Variants in MARCHF11 observed in about 807,000 individuals in gnomAD.
The protein encoded by MARCHF11 is membrane associated ring-CH-type finger 11, also known as E3 ubiquitin-protein ligase MARCHF11.
In MARCHF11, 29 loss-of-function variants were observed where a neutral mutation model predicts 37.3. That is an observed-to-expected ratio of 0.78 (90% confidence interval 0.58 to 1.06). The LOEUF is 1.06. MARCHF11 is among the 50% of genes least tolerant of loss of function. The pLI is 0.00. For synonymous variants in MARCHF11, 233 were observed against 228.0 expected, an observed-to-expected ratio of 1.02 and a Z score of -0.20; for missense variants, 482 against 533.4, an observed-to-expected ratio of 0.90 and a Z score of 0.95.
chr5:16,089,799 A>G (rs1303452035), intron 3 of MARCHF11, among the ~76,000 whole-genome samples: 1 of 152,220 alleles, frequency 6.6e-6, no homozygotes, highest in Admixed American at 6.5e-5. Flanking sequence ...AATTAATAAC[A>G]TAATTGTTTT....
At chr5:16,132,928 C>T (rs1194509004) in intron 2 of MARCHF11, among the ~76,000 whole-genome samples, 1 of 152,058 alleles carries the variant, frequency 6.6e-6, no homozygotes, top group African/African-American at 2.4e-5. Context: ...CTGACATAAA[C>T]ATGAACAATA....
rs375472846 is a variant in MARCHF11, at chr5:16,088,796, T to C, written c.886+2093A>G. Among the ~76,000 whole-genome samples, 141 of 152,272 alleles carry C rather than the reference T, an allele frequency of 9.3e-4. 2 individuals carry two copies. Among genetic ancestry groups the C allele is most frequent in the African/African-American group, 3.3e-3 (136 of 41,558 alleles). On this transcript the variant is annotated intron_variant, in intron 3 of 3. Coordinates refer to ENST00000332432, the MANE Select transcript of MARCHF11 (RefSeq NM_001102562.3). ...ATCATGGAATGATAAAATTAGGATT[T>C]GATGAGCCAAAACACAATGAAAAGT...
At chr5:16,078,116 G>A (rs916894175) in intron 3 of MARCHF11, among the ~76,000 whole-genome samples, 1 of 152,160 alleles carries the variant, frequency 6.6e-6, no homozygotes, top group Non-Finnish European at 1.5e-5. Flanking sequence ...ATAAAGAGGG[G>A]TTTTTACCAA....
intron 2 of MARCHF11, 29 bp downstream of exon 2, chr5:16,177,697 C>A: frequency 1.3e-6 from 2 of 1,569,518 alleles, no homozygotes; most frequent in Non-Finnish European, 1.7e-6. Flanking sequence ...AAAATTATTT[C>A]AGGAAAAATA....
intron 3 of MARCHF11, among the ~76,000 whole-genome samples, chr5:16,080,157 A>G (rs2126548866): frequency 6.6e-6 from 1 of 152,256 alleles, no homozygotes; most frequent in Non-Finnish European, 1.5e-5. Context: ...CATCCCAGCC[A>G]TTCTCAATTC....
intron 2 of MARCHF11, among the ~76,000 whole-genome samples, chr5:16,107,334 T>A (rs112547044): frequency 1.2e-5 from 1 of 80,502 alleles, no homozygotes; most frequent in African/African-American, 8.0e-5. Flanking sequence ...AGCACTATTG[T>A]TTTTTTTTTT....
chr5:16,135,996 T>A (rs1168516751), intron 2 of MARCHF11, among the ~76,000 whole-genome samples: 1 of 151,286 alleles, frequency 6.6e-6, no homozygotes, highest in African/African-American at 2.4e-5. Context: ...TCAACAGGAA[T>A]AAAGGCATTC....
intron 2 of MARCHF11, among the ~76,000 whole-genome samples, chr5:16,107,894 C>T (rs2126568045): frequency 6.6e-6 from 1 of 151,976 alleles, no homozygotes; most frequent in East Asian, 2.0e-4. Flanking sequence ...AGGGGAAGAT[C>T]ATCTTCCCAC....
chr5:16,149,476 C>A (rs968489786), intron 2 of MARCHF11, among the ~76,000 whole-genome samples: 1 of 152,072 alleles, frequency 6.6e-6, no homozygotes, highest in Admixed American at 6.6e-5. Flanking sequence ...TTGGGAAACT[C>A]TTTGGTAATA....
At chr5:16,137,078 C>T (rs1165715007) in intron 2 of MARCHF11, among the ~76,000 whole-genome samples, 1 of 151,996 alleles carries the variant, frequency 6.6e-6, no homozygotes, top group Non-Finnish European at 1.5e-5. Flanking sequence ...AGTATTAAAA[C>T]TAACACATCT....
chr5:16,126,670 T>C (rs942483316), intron 2 of MARCHF11, among the ~76,000 whole-genome samples: 1 of 152,206 alleles, frequency 6.6e-6, no homozygotes, highest in Admixed American at 6.5e-5. Context: ...TTCTCCAGTC[T>C]TTGGTCCTGT....
At chr5:16,116,469 C>T (rs1359426384) in intron 2 of MARCHF11, among the ~76,000 whole-genome samples, 1 of 152,146 alleles carries the variant, frequency 6.6e-6, no homozygotes, top group East Asian at 1.9e-4. Flanking sequence ...GTTACCCCCA[C>T]CCTCTAATTG....
intron 2 of MARCHF11, among the ~76,000 whole-genome samples, chr5:16,174,377 T>C (rs1401328603): frequency 6.6e-6 from 1 of 152,266 alleles, no homozygotes; most frequent in Non-Finnish European, 1.5e-5. Context: ...AACTACGTTG[T>C]ACAGGATACA....
At chr5:16,158,313 T>C (rs550440297) in intron 2 of MARCHF11, among the ~76,000 whole-genome samples, 1 of 151,932 alleles carries the variant, frequency 6.6e-6, no homozygotes, top group Non-Finnish European at 1.5e-5. Context: ...TCCATAGATA[T>C]CTGCACTCCC....
At position 16,098,780 on chromosome 5, in the gene MARCHF11, GA is replaced by G. The variant is rs982638737; in HGVS notation, c.694-7700del. On this transcript the variant is annotated intron_variant, in intron 2 of 3. Coordinates refer to ENST00000332432, the MANE Select transcript of MARCHF11 (RefSeq NM_001102562.3). ...GAGACTCCATCTCAAAAAAAAAAAA[GA>G]AAAAAAATACAAGATAACAATGATC... 3.5e-5 allele frequency among the ~76,000 whole-genome samples: 5 copies of G among 143,308 alleles called. No individual in the cohort carries two copies. The East Asian group carries it at 9.9e-4, about 28-fold the overall frequency. The allele number at this position is 143,308 out of a possible 152,430, so 94.0% of individuals were successfully genotyped here.
chr5:16,179,228 T>G lies in MARCHF11; in HGVS notation c.348A>C (p.Lys116Asn). 2 of 1,347,786 alleles carry G rather than the reference T, an allele frequency of 1.5e-6. No homozygotes were observed. Among genetic ancestry groups the G allele is most frequent in the Middle Eastern group, 5.6e-4 (2 of 3,588 alleles). 83.5% of individuals were successfully genotyped at this position (1,347,786 alleles called of 1,614,324 possible). A position where few individuals can be genotyped will look rare whatever the true frequency, so the allele number is the denominator to read the frequency against. The change falls in exon 1 of 4, where the codon AAA becomes AAC. Residue 116 changes from lysine to asparagine, a missense_variant. Transcript: ENST00000332432. Reference protein sequence around the residue: ...PRRLPEAAAAKGGPGESEAGA... With the variant: ...PRRLPEAAAANGGPGESEAGA... ...CGGCCTCAGACTCCCCGGGGCCGCC[T>G]TTCGCTGCTGCCGCCTCCGGGAGGC...
At chr5:16,122,235 A>G (rs1392307635) in intron 2 of MARCHF11, among the ~76,000 whole-genome samples, 1 of 152,182 alleles carries the variant, frequency 6.6e-6, no homozygotes, top group African/African-American at 2.4e-5. Flanking sequence ...ACACTTTCCC[A>G]GGGAAAGCAT....
chr5:16,091,925 T>C (rs1446832396), intron 2 of MARCHF11, among the ~76,000 whole-genome samples: 1 of 152,194 alleles, frequency 6.6e-6, no homozygotes, highest in Non-Finnish European at 1.5e-5. Flanking sequence ...ACAAGAATTG[T>C]TATTAAGGTT....
In MARCHF11 at chr5:16,096,361, T is replaced by C. The variant is rs569889718; in HGVS notation, c.694-5280A>G. On this transcript the variant is annotated intron_variant, in intron 2 of 3. Coordinates refer to ENST00000332432, the MANE Select transcript of MARCHF11 (RefSeq NM_001102562.3). ...ACAAACTCAAGGAGTTATATCTCTT[T>C]AATTTTAATGAAATTTTGGGAGAAA... Among the ~76,000 whole-genome samples the C allele has an allele frequency of 4.3e-4, 66 of 152,350 alleles. No individual in the cohort carries two copies. In the South Asian group the frequency reaches 0.012, roughly 29 times the overall value.
Sources: allele counts gnomAD v4.1 joint callset (sites outside exome capture counted in the v4.1 genomes callset), GRCh38; gene constraint gnomAD v4.1.1; transcripts MANE v1.5; gene names NCBI Gene and HGNC (gene_info 2026-07-23, HGNC 2026-07-21).